The following RRP1B variants were observed in gnomAD, a reference collection of about 807,000 sequenced individuals.
The protein encoded by RRP1B is ribosomal RNA processing 1B.
Under a neutral mutation model 80.2 loss-of-function variants are expected in RRP1B, and 56 were observed. The observed-to-expected ratio is 0.70, with a 90% CI of 0.56 to 0.87. The LOEUF is 0.87. RRP1B is among the 40% of genes least tolerant of loss of function. The probability of loss-of-function intolerance (pLI) is 0.00; values close to 1 mark genes in which losing one functional copy is unlikely to be tolerated. For synonymous variants in RRP1B, 351 were observed against 357.6 expected (o/e 0.98, Z 0.21); for missense variants, 807 against 939.8 (o/e 0.86, Z 1.85).
chr21:43,683,340 T>C lies in RRP1B; in HGVS notation c.858T>C (p.Cys286=). 1 of 1,614,198 alleles carries C rather than the reference T, an allele frequency of 6.2e-7. No individual in the cohort carries two copies. The highest frequency in any genetic ancestry group is 8.5e-7 in the Non-Finnish European group (1 of 1,180,018). Residue 286 remains cysteine, a synonymous_variant, in exon 9 of 16, where the codon TGT becomes TGC. Transcript: ENST00000340648. ...GLSDERGRDD[C]GTFEDTGPLL... is the part of the protein sequence containing the mutation. ...GTGATGAAAGAGGAAGAGATGACTG[T>C]GGAACCTTTGAGGACACAGGGCCCC...
At chr21:43,686,088 T>C in intron 11 of RRP1B, 1 of 239,066 alleles carries the variant, frequency 4.2e-6, no homozygotes, top group Non-Finnish European at 8.0e-6. Context: ...ACCACTGCAC[T>C]CCAGCCTGGG....
At chr21:43,670,110 C>T (rs2082993856) in intron 2 of RRP1B, 144 bp downstream of exon 2, 2 of 487,616 alleles carry the variant, frequency 4.1e-6, no homozygotes, top group Non-Finnish European at 7.3e-6. Flanking sequence ...ACCTCTTGTC[C>T]ATACAGAAAG....
Position 43,691,409 on chromosome 21 carries a change from C to T in RRP1B, c.2020-30C>T, listed in dbSNP as rs759437118. ...GCGCCTCCACTGCACTTGCGTCACT[C>T]CTTTTGTTCCTGTTATTTCTCTTCT... On this transcript the variant is annotated intron_variant, in intron 14 of 15. Transcript: ENST00000340648. This position sits in a 1 kb window ranked among gnomAD's most constrained non-coding sequence, Gnocchi z 4.2. 5.0e-6 allele frequency: 8 copies of T among 1,611,526 alleles called. No individual in the cohort carries two copies. Among genetic ancestry groups the T allele is most frequent in the Non-Finnish European group, 6.8e-6 (8 of 1,177,942 alleles).
At chr21:43,683,865 G>C (rs1249716216) in intron 9 of RRP1B, among the ~76,000 whole-genome samples, 2 of 150,704 alleles carry the variant, frequency 1.3e-5, no homozygotes, top group Non-Finnish European at 2.9e-5. Context: ...TGTAATCCCA[G>C]CTACTCGGGA....
intron 1 of RRP1B, among the ~76,000 whole-genome samples, chr21:43,664,593 T>C (rs2082971023): frequency 6.6e-6 from 1 of 152,220 alleles, no homozygotes; most frequent in Admixed American, 6.5e-5. Context: ...CAAGGTTTGT[T>C]TCCGTGCTAC....
intron 1 of RRP1B, among the ~76,000 whole-genome samples, chr21:43,669,463 G>T (rs1274806806): frequency 1.3e-5 from 2 of 152,170 alleles, no homozygotes; most frequent in South Asian, 4.1e-4. Flanking sequence ...CCGTTGCTGG[G>T]GCTTCATATG....
intron 1 of RRP1B, among the ~76,000 whole-genome samples, chr21:43,663,030 G>A (rs1275037718): frequency 6.6e-6 from 1 of 152,106 alleles, no homozygotes; most frequent in East Asian, 1.9e-4. Flanking sequence ...GATGATGGAG[G>A]ATATAAGTTT....
chr21:43,675,521 G>A (rs1420961719), intron 6 of RRP1B, among the ~76,000 whole-genome samples: 1 of 152,232 alleles, frequency 6.6e-6, no homozygotes, highest in Admixed American at 6.5e-5. Context: ...CAAAAGGCTG[G>A]AAAGGAAACA....
At chr21:43,666,902 G>A (rs1263336453) in intron 1 of RRP1B, among the ~76,000 whole-genome samples, 1 of 152,166 alleles carries the variant, frequency 6.6e-6, no homozygotes, top group East Asian at 1.9e-4. Context: ...ATTTGTTGGG[G>A]ACATAGGTCA....
rs368811082 is a variant in RRP1B, at chr21:43,683,306, A to T, written c.824A>T (p.Asp275Val). The change falls in exon 9 of 16, where the codon GAT (aspartate) becomes GTT (valine). Residue 275 changes from aspartate to valine, a missense_variant. By Grantham distance (152) the Asp-to-Val change is radical. Coordinates refer to ENST00000340648, the MANE Select transcript of RRP1B (RefSeq NM_015056.3). ...TALGKNHSRK[D>V]GLSDERGRDD... The stretch of plus-strand genomic sequence containing the variant: ...CTGGGCAAAAACCATTCCAGAAAAG[A>T]TGGACTCAGTGATGAAAGAGGAAGA... The T allele has an allele frequency of 1.2e-6, 2 of 1,614,202 alleles. No individual in the cohort carries two copies. Among genetic ancestry groups the T allele is most frequent in the African/African-American group, 1.3e-5 (1 of 75,060 alleles).
rs1315828436 is a variant in RRP1B at position 43,691,648 on chromosome 21, T to C, written c.2083+146T>C. 3.2e-6 allele frequency: 2 copies of C among 622,244 alleles called. No homozygotes were observed. The highest frequency in any genetic ancestry group is 2.9e-5 in the East Asian group (1 of 34,446). 38.5% of individuals were successfully genotyped at this position (622,244 alleles called of 1,614,324 possible). ...ATTTCTTTATTTTTATTTTTTTTTT[T>C]TTTTTGAGACAGAGTCTCGCTGCTC... On this transcript the variant is annotated intron_variant, in intron 15 of 15. Coordinates refer to ENST00000340648, the MANE Select transcript of RRP1B (RefSeq NM_015056.3). This position sits in a 1 kb window ranked among gnomAD's most constrained non-coding sequence, Gnocchi z 4.2.
chr21:43,683,285 G>A lies in RRP1B; in HGVS notation c.803G>A (p.Gly268Asp), dbSNP rs755653178. 9 of 1,613,694 alleles carry A rather than the reference G, an allele frequency of 5.6e-6. No individual in the cohort carries two copies. Among genetic ancestry groups the A allele is most frequent in the Middle Eastern group, 1.6e-4 (1 of 6,084 alleles). Residue 268 changes from glycine to aspartate, a missense_variant, in exon 9 of 16, where the codon GGC (glycine) becomes GAC (aspartate). Physicochemically the swap from Gly to Asp is moderately conservative, Grantham distance 94. Coordinates refer to ENST00000340648, the MANE Select transcript of RRP1B (RefSeq NM_015056.3). ...RAVSKKKTAL[G>D]KNHSRKDGLS... ...TTTGGGTATATTTTGACAGCACTGG[G>A]CAAAAACCATTCCAGAAAAGATGGA...
At position 43,664,810 on chromosome 21, in the gene RRP1B, C is replaced by T. The variant is rs146699624; in HGVS notation, c.130+5016C>T. 4.5e-4 allele frequency among the ~76,000 whole-genome samples: 68 copies of T among 152,264 alleles called. No individual in the cohort carries two copies. In the East Asian group the frequency reaches 4.8e-3, roughly 11 times the overall value. ...CAAAGCAAAGGCAGGTCATCCATGG[C>T]GGCAGGCAAGCGGGTATGTGCAGGA... On this transcript the variant is annotated intron_variant, in intron 1 of 15. Coordinates refer to ENST00000340648, the MANE Select transcript of RRP1B (RefSeq NM_015056.3).
chr21:43,689,761 G>T (rs979300171), intron 13 of RRP1B, among the ~76,000 whole-genome samples: 1 of 152,240 alleles, frequency 6.6e-6, no homozygotes, highest in African/African-American at 2.4e-5. Flanking sequence ...ACTTGAACCT[G>T]CCGGAGCCAC....
chr21:43,684,154 C>G (rs909394807), intron 9 of RRP1B, among the ~76,000 whole-genome samples: 2 of 150,392 alleles, frequency 1.3e-5, no homozygotes, highest in Non-Finnish European at 3.0e-5. Context: ...TCACTGCAAG[C>G]TCTGCCTCCT....
rs1163356647 is a variant in RRP1B, at chr21:43,687,616, A to C, written c.1242A>C (p.Pro414=). 6.6e-7 allele frequency: 1 copy of C among 1,525,772 alleles called. No individual in the cohort carries two copies. Among genetic ancestry groups the C allele is most frequent in the Non-Finnish European group, 8.8e-7 (1 of 1,141,360 alleles). The allele number at this position is 1,525,772 out of a possible 1,614,324, so 94.5% of individuals were successfully genotyped here. ...KKKHHLQPEN[P]GPGGAAPSLE... is the part of the protein sequence containing the mutation. ...AGCACCACCTGCAGCCTGAAAATCC[A>C]GGCCCAGGGGGTGCAGCCCCATCCC... Residue 414 remains proline, a synonymous_variant, in exon 13 of 16, where the codon CCA becomes CCC. Coordinates refer to ENST00000340648, the MANE Select transcript of RRP1B (RefSeq NM_015056.3).
intron 6 of RRP1B, 146 bp downstream of exon 6, chr21:43,675,309 C>T: frequency 1.4e-6 from 1 of 736,706 alleles, no homozygotes; most frequent in Non-Finnish European, 2.2e-6. Context: ...GGAATGTGTC[C>T]TAAGCAGCTG....
intron 10 of RRP1B, among the ~76,000 whole-genome samples, chr21:43,685,034 G>A (rs2083057802): frequency 6.6e-6 from 1 of 152,248 alleles, no homozygotes; most frequent in East Asian, 1.9e-4. Context: ...TATGCCAAAA[G>A]TGTTAGTTAA....
chr21:43,680,142 A>T (rs950401085), intron 8 of RRP1B, among the ~76,000 whole-genome samples: 3 of 152,140 alleles, frequency 2.0e-5, no homozygotes, highest in African/African-American at 7.2e-5. Context: ...GCAAACACGG[A>T]CTTTGACTTC....
Sources: allele counts gnomAD v4.1 joint callset (sites outside exome capture counted in the v4.1 genomes callset), GRCh38; gene constraint gnomAD v4.1.1; non-coding constraint Gnocchi (gnomAD v3.1); transcripts MANE v1.5; gene names NCBI Gene and HGNC (gene_info 2026-07-23, HGNC 2026-07-21).